Variants in CTIF observed in about 807,000 individuals in gnomAD.
The protein encoded by CTIF is cap binding complex dependent translation initiation factor.
A neutral mutation model predicts 66.0 loss-of-function variants in CTIF; 21 were observed. The observed-to-expected ratio is 0.32, with a 90% CI of 0.23 to 0.46. CTIF has a LOEUF of 0.46. CTIF is among the 20% of genes least tolerant of loss of function. The pLI, the probability that CTIF is intolerant of heterozygous loss-of-function variation, is 1.00. For synonymous variants in CTIF, 345 were observed against 326.4 expected, an observed-to-expected ratio of 1.06 and a Z score of -0.62; for missense variants, 739 against 812.7, an observed-to-expected ratio of 0.91 and a Z score of 1.10.
rs551307251 is a variant in CTIF, at chr18:48,712,307, G to A, written c.584+612G>A. Reference sequence around the variant, plus strand: ...GAGTGACAATGGGGCCAGGAAAGGGGCAATGAGGTAGCCCTGGATAAGAAC... The same window carrying A: ...GAGTGACAATGGGGCCAGGAAAGGGACAATGAGGTAGCCCTGGATAAGAAC... On this transcript the variant is annotated intron_variant, in intron 7 of 11. Coordinates refer to ENST00000256413, the MANE Select transcript of CTIF (RefSeq NM_014772.3). Among the ~76,000 whole-genome samples the A allele has an allele frequency of 8.5e-5, 13 of 152,310 alleles. No homozygotes were observed. In the South Asian group the frequency reaches 2.7e-3, roughly 32 times the overall value.
rs549421139 is a variant in CTIF, at chr18:48,827,832, T to C, written c.1527+10456T>C. Among the ~76,000 whole-genome samples, 85 of 152,144 alleles carry C rather than the reference T, an allele frequency of 5.6e-4. No homozygotes were observed. The Middle Eastern group carries it at 0.01, about 18-fold the overall frequency. On this transcript the variant is annotated intron_variant, in intron 10 of 11. Coordinates refer to ENST00000256413, the MANE Select transcript of CTIF (RefSeq NM_014772.3). ...GCTTTGTCCCCTCCAGAGCTTTCGT[T>C]CCCCTCTTCCGCTCAGCACACACAG...
intron 1 of CTIF, among the ~76,000 whole-genome samples, chr18:48,578,093 G>C (rs1433236807): frequency 6.6e-6 from 1 of 151,930 alleles, no homozygotes; most frequent in Non-Finnish European, 1.5e-5. Context: ...TTTGTAACTG[G>C]CTTCTTTCAC....
At chr18:48,710,344 G>A (rs576975130) in intron 6 of CTIF, among the ~76,000 whole-genome samples, 19 of 152,322 alleles carry the variant, frequency 1.2e-4, no homozygotes, top group African/African-American at 3.6e-4. Context: ...GCATGCTCAG[G>A]TCGCTGCAGG....
intron 1 of CTIF, among the ~76,000 whole-genome samples, chr18:48,542,235 C>A (rs1047688514): frequency 2.6e-5 from 4 of 152,206 alleles, no homozygotes; most frequent in African/African-American, 9.7e-5. Flanking sequence ...TGTGATACAT[C>A]CAGTTTCTAC....
intron 10 of CTIF, among the ~76,000 whole-genome samples, chr18:48,825,436 C>T (rs1419155701): frequency 6.6e-6 from 1 of 152,196 alleles, no homozygotes; most frequent in African/African-American, 2.4e-5. Flanking sequence ...AATGAAATTG[C>T]TCTGTGCAAC....
At chr18:48,676,437 T>C (rs1158690266) in intron 6 of CTIF, among the ~76,000 whole-genome samples, 2 of 152,204 alleles carry the variant, frequency 1.3e-5, no homozygotes, top group African/African-American at 2.4e-5. Flanking sequence ...CGTTTTGCCT[T>C]TCTCTTAGGA....
intron 6 of CTIF, among the ~76,000 whole-genome samples, chr18:48,675,137 T>C (rs1214481747): frequency 1.2e-5 from 1 of 82,938 alleles, no homozygotes; most frequent in East Asian, 4.2e-4. Flanking sequence ...TGGTTCTCAG[T>C]GTTGAAGCCA....
intron 7 of CTIF, among the ~76,000 whole-genome samples, chr18:48,739,558 T>C (rs778407099): frequency 6.6e-6 from 1 of 152,198 alleles, no homozygotes; most frequent in Non-Finnish European, 1.5e-5. Context: ...AGTCACTTCA[T>C]CTTTGAAGAG....
chr18:48,862,480 G>GC lies in CTIF; in HGVS notation c.*2926dup, dbSNP rs969427942. 1.3e-5 allele frequency: 2 copies of GC among 152,552 alleles called. No individual in the cohort carries two copies. The highest frequency in any genetic ancestry group is 2.9e-5 in the Non-Finnish European group (2 of 68,040). 9.4% of individuals were successfully genotyped at this position (152,552 alleles called of 1,614,324 possible). A position where few individuals can be genotyped will look rare whatever the true frequency, so the allele number is the denominator to read the frequency against. On this transcript the variant is annotated 3_prime_UTR_variant, in exon 12 of 12. Coordinates refer to ENST00000256413, the MANE Select transcript of CTIF (RefSeq NM_014772.3). ...GCTCTGGGACCGCAGCCCCAGCGAG[G>GC]CCCCCAACCTCACCCAGACGAGGCC...
Position 48,860,031 on chromosome 18 carries a change from A to G in CTIF, c.*472A>G, listed in dbSNP as rs1200084487. On this transcript the variant is annotated 3_prime_UTR_variant, in exon 12 of 12. Transcript: ENST00000256413. ...CCGCATGCTGTCAGCCGCAGTCGCC[A>G]ACTGGCAGCAGGCGACGTGTAGCAG... 2.0e-5 allele frequency: 9 copies of G among 439,720 alleles called. No homozygotes were observed. Among genetic ancestry groups the G allele is most frequent in the Non-Finnish European group, 4.2e-5 (9 of 215,510 alleles). The allele number at this position is 439,720 out of a possible 1,614,324, so 27.2% of individuals were successfully genotyped here. A position where few individuals can be genotyped will look rare whatever the true frequency, so the allele number is the denominator to read the frequency against.
At chr18:48,778,023 C>T (rs574442124) in intron 9 of CTIF, among the ~76,000 whole-genome samples, 4 of 152,212 alleles carry the variant, frequency 2.6e-5, no homozygotes, top group South Asian at 2.1e-4. Context: ...GTTGGTCCCA[C>T]GCCTGGGGCC....
chr18:48,736,838 ATGGCCTC>A (rs1165497083), intron 7 of CTIF, among the ~76,000 whole-genome samples: 1 of 152,070 alleles, frequency 6.6e-6, no homozygotes, highest in African/African-American at 2.4e-5. Flanking sequence ...GCACGGGGGC[ATGGCCTC>A]TTTTTTCCTG....
intron 2 of CTIF, among the ~76,000 whole-genome samples, chr18:48,635,327 C>CTTTTTT (rs561455888): frequency 6.2e-5 from 7 of 113,376 alleles, no homozygotes; most frequent in Non-Finnish European, 7.5e-5. Context: ...CTTTTTCTTT[C>CTTTTTT]TTTTTTTTTT....
chr18:48,738,537 C>CA (rs1447661051), intron 7 of CTIF, among the ~76,000 whole-genome samples: 1 of 151,706 alleles, frequency 6.6e-6, no homozygotes, highest in Non-Finnish European at 1.5e-5. Context: ...CTGGCTGTTC[C>CA]CCCTCCCCGG....
intron 3 of CTIF, among the ~76,000 whole-genome samples, chr18:48,659,746 C>T (rs909896140): frequency 2.0e-4 from 31 of 152,104 alleles, no homozygotes; most frequent in African/African-American, 1.9e-4. Context: ...TGGGGCAGAG[C>T]GAGAGAGGAA....
intron 6 of CTIF, among the ~76,000 whole-genome samples, chr18:48,685,196 TG>T (rs1363270250): frequency 2.0e-5 from 3 of 152,128 alleles, no homozygotes; most frequent in African/African-American, 7.2e-5. Context: ...TGATTTTGTT[TG>T]ATGTTTCTTC....
At chr18:48,713,947 C>T (rs762826913) in intron 7 of CTIF, among the ~76,000 whole-genome samples, 8 of 152,230 alleles carry the variant, frequency 5.3e-5, no homozygotes, top group Non-Finnish European at 7.3e-5. Context: ...CTTCTAGATG[C>T]GGTAGAATCC....
At chr18:48,782,955 G>A (rs1030825581) in intron 9 of CTIF, among the ~76,000 whole-genome samples, 7 of 152,314 alleles carry the variant, frequency 4.6e-5, no homozygotes, top group African/African-American at 1.4e-4. Context: ...GGGGAGCTTC[G>A]CCTGTAGACC....
At chr18:48,790,064 A>C (rs1272338432) in intron 9 of CTIF, among the ~76,000 whole-genome samples, 2 of 152,240 alleles carry the variant, frequency 1.3e-5, no homozygotes, top group Non-Finnish European at 2.9e-5. Context: ...GAGCTAACCC[A>C]TGTTAGCCTA....
Sources: allele counts gnomAD v4.1 joint callset (sites outside exome capture counted in the v4.1 genomes callset), GRCh38; gene constraint gnomAD v4.1.1; transcripts MANE v1.5; gene names NCBI Gene and HGNC (gene_info 2026-07-23, HGNC 2026-07-21).